SLC13A1: variants seen among roughly 807,000 people sequenced by gnomAD.
The protein encoded by SLC13A1 is solute carrier family 13 member 1, also known as Na(+)/sulfate cotransporter.
Under a neutral mutation model 70.0 loss-of-function variants are expected in SLC13A1, and 65 were observed. The ratio of observed to expected loss-of-function variants is 0.93; its 90% confidence interval spans 0.76 to 1.14. SLC13A1 has a LOEUF of 1.14. Among genes scored for constraint, SLC13A1 ranks in the 50% most tolerant of loss-of-function variants. The probability of loss-of-function intolerance (pLI) is 0.00; values close to 1 mark genes in which losing one functional copy is unlikely to be tolerated. For missense variants in SLC13A1, 726 were observed against 717.8 expected (o/e 1.01, Z -0.13); for synonymous variants, 275 against 250.5 (o/e 1.10, Z -0.92).
intron 6 of SLC13A1, among the ~76,000 whole-genome samples, chr7:123,151,349 T>A (rs1288156959): frequency 6.8e-6 from 1 of 146,218 alleles, no homozygotes; most frequent in East Asian, 2.0e-4. Flanking sequence ...CAAAACTATA[T>A]ATATATATTT....
chr7:123,176,454 T>A (rs1323533551), intron 2 of SLC13A1, among the ~76,000 whole-genome samples: 7 of 152,168 alleles, frequency 4.6e-5, no homozygotes, highest in Non-Finnish European at 1.0e-4. Flanking sequence ...TATATTTCTG[T>A]CTCAAAATAG....
intron 7 of SLC13A1, among the ~76,000 whole-genome samples, chr7:123,138,992 A>G (rs1232115341): frequency 6.6e-6 from 1 of 152,140 alleles, no homozygotes; most frequent in Non-Finnish European, 1.5e-5. Context: ...ATTTTTGCCC[A>G]GACCTATGTA....
At chr7:123,148,502 CA>C (rs1563331892) in intron 6 of SLC13A1, 2 of 453,118 alleles carry the variant, frequency 4.4e-6, no homozygotes, top group South Asian at 3.1e-5. Context: ...GGGTGTAAGC[CA>C]AAAGCAACTT....
intron 7 of SLC13A1, among the ~76,000 whole-genome samples, chr7:123,143,424 T>G (rs1169037246): frequency 6.6e-6 from 1 of 152,196 alleles, no homozygotes; most frequent in Non-Finnish European, 1.5e-5. Flanking sequence ...GGATGGGCAC[T>G]TCTTCTCTGG....
At chr7:123,128,802 T>A (rs1318823699) in intron 10 of SLC13A1, 43 bp downstream of exon 10, 1 of 1,259,282 alleles carries the variant, frequency 7.9e-7, no homozygotes, top group Non-Finnish European at 1.2e-6. Flanking sequence ...AGAAGCAGAG[T>A]ATAAAACAGG....
rs563918584 is a variant in SLC13A1, at chr7:123,168,622, G to C, written c.554-61C>G. 6.6e-5 allele frequency: 83 copies of C among 1,253,606 alleles called. 3 individuals carry two copies. The South Asian group carries it at 1.0e-3, about 16-fold the overall frequency. 77.7% of individuals were successfully genotyped at this position (1,253,606 alleles called of 1,614,324 possible). ...TAAGGGATTATCATTGGGTTTGCCT[G>C]TGTGTGGATGCGAAGATGGAAGCAT... is the stretch of plus-strand genomic sequence containing the variant. On this transcript the variant is annotated intron_variant, in intron 4 of 14. Coordinates refer to ENST00000194130, the MANE Select transcript of SLC13A1 (RefSeq NM_022444.4).
intron 1 of SLC13A1, among the ~76,000 whole-genome samples, chr7:123,184,973 T>C (rs979669110): frequency 6.6e-6 from 1 of 152,116 alleles, no homozygotes; most frequent in African/African-American, 2.4e-5. Context: ...CTTGTTATAA[T>C]AGCCATTCTA....
intron 1 of SLC13A1, 107 bp downstream of exon 1, chr7:123,199,741 C>A (rs527556718): frequency 3.9e-6 from 3 of 765,606 alleles, no homozygotes; most frequent in Non-Finnish European, 6.5e-6. Context: ...TATGAAGGGT[C>A]AACATTCATT....
chr7:123,199,778 CA>C, intron 1 of SLC13A1, 69 bp downstream of exon 1: 1 of 1,175,396 alleles, frequency 8.5e-7, no homozygotes, highest in Non-Finnish European at 1.3e-6. Context: ...AGTTAAACAG[CA>C]AACAGTTTTA....
intron 8 of SLC13A1, among the ~76,000 whole-genome samples, chr7:123,130,101 G>A (rs1413780263): frequency 2.6e-5 from 4 of 152,052 alleles, no homozygotes; most frequent in Middle Eastern, 3.2e-3. Flanking sequence ...TGCTAAACTC[G>A]AGTTTTACAC....
rs977363513 is a variant in SLC13A1, at chr7:123,176,955, T to A, written c.228+4018A>T. On this transcript the variant is annotated intron_variant, in intron 2 of 14. Transcript: ENST00000194130. ...TCTCATCAAGTCTTAGGGCTTTAAA[T>A]ACCATCTATATTTTGATGAATCTCA... 3.7e-4 allele frequency among the ~76,000 whole-genome samples: 57 copies of A among 152,168 alleles called. 1 individual carries two copies. The highest frequency in any genetic ancestry group is 1.3e-3 in the African/African-American group (55 of 41,452).
chr7:123,133,609 C>T (rs2116336012), intron 8 of SLC13A1, among the ~76,000 whole-genome samples: 1 of 152,222 alleles, frequency 6.6e-6, no homozygotes, highest in South Asian at 2.1e-4. Flanking sequence ...GAGATCTTGG[C>T]TCACTGCAAC....
intron 10 of SLC13A1, among the ~76,000 whole-genome samples, chr7:123,127,783 T>C (rs1475151448): frequency 6.6e-6 from 1 of 151,338 alleles, no homozygotes; most frequent in Non-Finnish European, 1.5e-5. Flanking sequence ...TTCTTTATTG[T>C]ATGTGGGCAA....
chr7:123,163,909 T>C (rs1395014993), intron 6 of SLC13A1, among the ~76,000 whole-genome samples: 1 of 152,066 alleles, frequency 6.6e-6, no homozygotes, highest in Non-Finnish European at 1.5e-5. Flanking sequence ...AATTTATTTA[T>C]TCAATAAGCA....
At position 123,134,457 on chromosome 7, in the gene SLC13A1, A is replaced by G; in HGVS notation, c.885T>C (p.Ile295=). The G allele has an allele frequency of 6.2e-7, 1 of 1,613,406 alleles. No individual in the cohort carries two copies. The highest frequency in any genetic ancestry group is 8.5e-7 in the Non-Finnish European group (1 of 1,179,480). Reference sequence around the variant, plus strand: ...GAAGCCAGATCCAGGATAAGAGTAGAATGATAAGGGCAGCTGGGAAGGAAA... The same window carrying G: ...GAAGCCAGATCCAGGATAAGAGTAGGATGATAAGGGCAGCTGGGAAGGAAA... ...FTFSFPAALI[I]LLLSWIWLQW... The change falls in exon 8 of 15, where the codon ATT becomes ATC. Residue 295 remains isoleucine (I), a synonymous_variant. Transcript: ENST00000194130.
At chr7:123,122,741 C>T (rs1793425991) in intron 12 of SLC13A1, among the ~76,000 whole-genome samples, 1 of 151,874 alleles carries the variant, frequency 6.6e-6, no homozygotes, top group South Asian at 2.1e-4. Context: ...AGTCCAAGAG[C>T]TACTCAAATT....
chr7:123,198,908 G>C (rs906276717), intron 1 of SLC13A1, among the ~76,000 whole-genome samples: 15 of 152,036 alleles, frequency 9.9e-5, no homozygotes, highest in African/African-American at 3.6e-4. Flanking sequence ...TGTGTGCCAG[G>C]CACTGCTCCA....
At chr7:123,148,825 C>G (rs1234234059) in intron 6 of SLC13A1, among the ~76,000 whole-genome samples, 1 of 152,130 alleles carries the variant, frequency 6.6e-6, no homozygotes, top group Non-Finnish European at 1.5e-5. Flanking sequence ...CAATTCTTCT[C>G]ACCACTTGCT....
rs887792902 is a variant in SLC13A1 at position 123,134,569 on chromosome 7, C to A, written c.813-40G>T. On this transcript the variant is annotated intron_variant, in intron 7 of 14. Transcript: ENST00000194130. ...GGAGACGTGTTCAGGGATGGAGAGA[C>A]AGGTGGAATCCTTTCTGATTGTCAC... The A allele has an allele frequency of 5.0e-6, 8 of 1,592,698 alleles. No homozygotes were observed. In the African/African-American group the frequency reaches 8.1e-5, roughly 16 times the overall value.
Sources: allele counts gnomAD v4.1 joint callset (sites outside exome capture counted in the v4.1 genomes callset), GRCh38; gene constraint gnomAD v4.1.1; transcripts MANE v1.5; gene names NCBI Gene and HGNC (gene_info 2026-07-23, HGNC 2026-07-21).